SPINK6: variants seen among roughly 807,000 people sequenced by gnomAD.
SPINK6 encodes serine protease inhibitor Kazal-type 6.
A neutral mutation model predicts 11.7 loss-of-function variants in SPINK6; 13 were observed. The observed-to-expected ratio is 1.11, with a 90% CI of 0.72 to 1.76. The LOEUF (loss-of-function observed/expected upper bound fraction) is 1.76, where lower values mean the gene tolerates loss of function less well. Ranked by LOEUF, SPINK6 falls within the 40% of genes most tolerant of loss-of-function variation. The pLI is 0.00. For missense variants in SPINK6, 98 were observed against 93.7 expected (o/e 1.05, Z -0.19); for synonymous variants, 21 against 31.9 (o/e 0.66, Z 1.15).
Position 148,209,960 on chromosome 5 carries a change from A to C in SPINK6, c.81+3902A>C, listed in dbSNP as rs1397680979. Among the ~76,000 whole-genome samples the C allele has an allele frequency of 3.3e-5, 5 of 150,292 alleles. 2 individuals carry two copies. The highest frequency in any genetic ancestry group is 1.3e-4 in the Admixed American group (2 of 15,220). On this transcript the variant is annotated intron_variant, in intron 2 of 3. Coordinates refer to ENST00000325630, the MANE Select transcript of SPINK6 (RefSeq NM_205841.4). ...TGAGTAAAAGGTTTCATATATATGT[A>C]TACATACATACGTACGTATGTATGT...
intron 2 of SPINK6, among the ~76,000 whole-genome samples, chr5:148,210,007 C>CGTACGT (rs1408259548): frequency 1.9e-5 from 2 of 105,730 alleles, no homozygotes; most frequent in African/African-American, 5.1e-5. Flanking sequence ...CGTATGTATA[C>CGTACGT]ATGTATGTAC....
Position 148,213,833 on chromosome 5 carries a change from G to T in SPINK6, c.82-77G>T, listed in dbSNP as rs774941411. ...TATTTATATATGGTTTTTAAAGTTTGCTGTCTAAAGCTTCTGTTCTGAAGG... is the reference window on the plus strand; with the variant it reads ...TATTTATATATGGTTTTTAAAGTTTTCTGTCTAAAGCTTCTGTTCTGAAGG... On this transcript the variant is annotated intron_variant, in intron 2 of 3. Transcript: ENST00000325630. The T allele has an allele frequency of 5.4e-4, 390 of 725,542 alleles. No homozygotes were observed. Among genetic ancestry groups the T allele is most frequent in the Non-Finnish European group, 8.7e-4 (354 of 406,672 alleles). The allele number at this position is 725,542 out of a possible 1,614,324, so 44.9% of individuals were successfully genotyped here.
chr5:148,210,595 T>C (rs2113314218), intron 2 of SPINK6, among the ~76,000 whole-genome samples: 2 of 151,786 alleles, frequency 1.3e-5, no homozygotes, highest in Middle Eastern at 3.4e-3. Context: ...TTATATGTCA[T>C]TAGGAAGAGA....
At chr5:148,212,621 ATATAT>A (rs1323513228) in intron 2 of SPINK6, among the ~76,000 whole-genome samples, 9 of 101,122 alleles carry the variant, frequency 8.9e-5, no homozygotes, top group African/African-American at 4.0e-4. Flanking sequence ...TATTTATATT[ATATAT>A]TATATATTAT....
chr5:148,213,431 C>A (rs1204607881), intron 2 of SPINK6, among the ~76,000 whole-genome samples: 3 of 151,484 alleles, frequency 2.0e-5, no homozygotes, highest in African/African-American at 7.3e-5. Context: ...CATCTCCTGA[C>A]CTCGTGATCC....
chr5:148,214,597 G>A (rs1441066914), intron 3 of SPINK6, among the ~76,000 whole-genome samples: 3 of 152,074 alleles, frequency 2.0e-5, no homozygotes, highest in African/African-American at 7.2e-5. Flanking sequence ...TAGTCCCTTT[G>A]TCATTATTTC....
chr5:148,209,991 T>TACACACGTACGTATGTACGTATAC (rs1398978551), intron 2 of SPINK6, among the ~76,000 whole-genome samples: 1 of 145,404 alleles, frequency 6.9e-6, no homozygotes, highest in Non-Finnish European at 1.5e-5. Flanking sequence ...TATGTATACA[T>TACACACGTACGTATGTACGTATAC]ATACACGTAT....
At chr5:148,209,898 G>A (rs1424630902) in intron 2 of SPINK6, among the ~76,000 whole-genome samples, 2 of 61,496 alleles carry the variant, frequency 3.3e-5, no homozygotes, top group Non-Finnish European at 4.9e-5. Flanking sequence ...GAAAAGAGTT[G>A]TACTTTGCAC....
chr5:148,210,102 A>G (rs1209614697), intron 2 of SPINK6, among the ~76,000 whole-genome samples: 2 of 151,016 alleles, frequency 1.3e-5, no homozygotes, highest in East Asian at 2.1e-4. Context: ...ACATGTATGT[A>G]TGCACATATG....
At chr5:148,212,570 T>A (rs1190089640) in intron 2 of SPINK6, among the ~76,000 whole-genome samples, 1 of 109,412 alleles carries the variant, frequency 9.1e-6, no homozygotes, top group Non-Finnish European at 1.7e-5. Context: ...ATAATATATA[T>A]TATATATTAT....
intron 2 of SPINK6, among the ~76,000 whole-genome samples, chr5:148,211,489 C>G (rs924298434): frequency 4.6e-5 from 7 of 152,106 alleles, no homozygotes; most frequent in South Asian, 2.1e-4. Context: ...TTCAAATATT[C>G]TATATTAGTT....
At chr5:148,207,057 A>G (rs1050568717) in intron 2 of SPINK6, among the ~76,000 whole-genome samples, 2 of 151,048 alleles carry the variant, frequency 1.3e-5, no homozygotes, top group African/African-American at 4.9e-5. Flanking sequence ...ATGCATGTGC[A>G]CTTTAGGTGT....
At chr5:148,207,679 A>G (rs1298503135) in intron 2 of SPINK6, among the ~76,000 whole-genome samples, 1 of 152,068 alleles carries the variant, frequency 6.6e-6, no homozygotes, top group African/African-American at 2.4e-5. Flanking sequence ...AAAAATATAA[A>G]AATTAGCCAG....
intron 2 of SPINK6, among the ~76,000 whole-genome samples, chr5:148,208,048 G>A (rs975882170): frequency 2.6e-5 from 4 of 152,182 alleles, no homozygotes; most frequent in Non-Finnish European, 5.9e-5. Flanking sequence ...GAGGCAAACT[G>A]TATTGGGAAG....
intron 2 of SPINK6, among the ~76,000 whole-genome samples, chr5:148,208,909 T>G (rs76935584): frequency 0.013 from 1,985 of 152,324 alleles, 48 homozygotes; most frequent in African/African-American, 0.045. Context: ...GGCTCTGTAT[T>G]TGGGAACCTT....
At chr5:148,207,317 G>A (rs1431850494) in intron 2 of SPINK6, among the ~76,000 whole-genome samples, 2 of 152,002 alleles carry the variant, frequency 1.3e-5, no homozygotes, top group East Asian at 1.9e-4. Flanking sequence ...TAACACACAC[G>A]TTACTTCCCT....
Position 148,203,110 on chromosome 5 carries a change from G to A in SPINK6, c.14G>A (p.Gly5Asp), listed in dbSNP as rs1755454702. Residue 5 changes from glycine to aspartate, a missense_variant, in exon 1 of 4, where the codon GGC becomes GAC. Physicochemically the swap from Gly to Asp is moderately conservative, Grantham distance 94 (BLOSUM62 -1). Transcript: ENST00000325630. MKLS[G>D]MFLLLSLALF... is the part of the protein sequence containing the mutation. ...CTAACTGACACAATGAAACTGTCAG[G>A]CATGTTTCTGCTCCTCTCTCTGGCT... is the stretch of plus-strand genomic sequence containing the variant. 6.2e-7 allele frequency: 1 copy of A among 1,611,122 alleles called. No homozygotes were observed. The highest frequency in any genetic ancestry group is 1.3e-5 in the African/African-American group (1 of 74,616).
At chr5:148,210,618 T>C (rs188244439) in intron 2 of SPINK6, among the ~76,000 whole-genome samples, 3 of 151,808 alleles carry the variant, frequency 2.0e-5, no homozygotes, top group East Asian at 1.9e-4. Flanking sequence ...ACCAAGTATA[T>C]TAAACTATCT....
At chr5:148,209,537 A>G (rs763913857) in intron 2 of SPINK6, among the ~76,000 whole-genome samples, 14 of 152,306 alleles carry the variant, frequency 9.2e-5, no homozygotes, top group Admixed American at 5.9e-4. Context: ...AATTAGGAGG[A>G]AAATGAGGAA....
Sources: gnomAD v4.1 joint callset for allele counts (sites outside exome capture counted in the v4.1 genomes callset) on GRCh38, gnomAD v4.1.1 for gene constraint, MANE v1.5 for transcripts, NCBI Gene and HGNC (gene_info 2026-07-23, HGNC 2026-07-21) for gene names.